Variants in MAPK6 observed in about 807,000 individuals in gnomAD.
The protein encoded by MAPK6 is mitogen-activated protein kinase 6, also known as ERK-3.
MAPK6 carries 19 observed loss-of-function variants against 59.3 expected under a neutral mutation model. That is an observed-to-expected ratio of 0.32 (90% CI 0.22 to 0.47). The LOEUF (loss-of-function observed/expected upper bound fraction) is 0.47. MAPK6 is among the 20% of genes least tolerant of loss of function. The probability of loss-of-function intolerance (pLI) is 1.00; values close to 1 mark genes in which losing one functional copy is unlikely to be tolerated. For synonymous variants in MAPK6, 316 were observed against 290.3 expected (o/e 1.09, Z -0.90); for missense variants, 724 against 847.9 (o/e 0.85, Z 1.81).
intron 4 of MAPK6, 22 bp from the exon 5 acceptor site, chr15:52,061,277 A>G (rs764532735): frequency 3.8e-5 from 61 of 1,590,630 alleles, no homozygotes; most frequent in Non-Finnish European, 5.2e-5. Context: ...TTTCTGAAAA[A>G]CTTTTACCTT....
At chr15:52,054,580 G>A (rs1384865873) in intron 3 of MAPK6, among the ~76,000 whole-genome samples, 1 of 152,080 alleles carries the variant, frequency 6.6e-6, no homozygotes, top group Admixed American at 6.5e-5. Flanking sequence ...TGTGTTAGAA[G>A]TGAGTCACTA....
chr15:52,000,190 C>CA (rs1244083873), intron 2 of MAPK6, among the ~76,000 whole-genome samples: 1 of 151,802 alleles, frequency 6.6e-6, no homozygotes, highest in Non-Finnish European at 1.5e-5. Context: ...CCTCCTGCCT[C>CA]AGCCTCCCAA....
At chr15:52,036,387 G>A (rs916477828) in intron 1 of MAPK6, among the ~76,000 whole-genome samples, 1 of 152,134 alleles carries the variant, frequency 6.6e-6, no homozygotes. Flanking sequence ...ATAAAGAAGA[G>A]AAATTTATTT....
At chr15:52,028,690 A>T (rs967209317) in intron 1 of MAPK6, among the ~76,000 whole-genome samples, 2 of 152,222 alleles carry the variant, frequency 1.3e-5, no homozygotes, top group Non-Finnish European at 2.9e-5. Flanking sequence ...ACACTATTGG[A>T]CAGCACTAAG....
intron 1 of MAPK6, among the ~76,000 whole-genome samples, chr15:52,030,188 T>C (rs2030973234): frequency 6.6e-6 from 1 of 152,206 alleles, no homozygotes; most frequent in African/African-American, 2.4e-5. Context: ...GGTAGCTTCT[T>C]ATTCAGGTTT....
intron 2 of MAPK6, among the ~76,000 whole-genome samples, chr15:51,995,992 C>A (rs1051461850): frequency 7.2e-5 from 11 of 152,098 alleles, no homozygotes; most frequent in African/African-American, 2.7e-4. Context: ...AAATTCCTCT[C>A]ATCCTCAGCT....
intron 4 of MAPK6, among the ~76,000 whole-genome samples, chr15:52,059,775 G>A (rs563983687): frequency 1.6e-4 from 24 of 152,340 alleles, no homozygotes; most frequent in African/African-American, 5.5e-4. Context: ...TGGCAGCACT[G>A]TGCTTGCAAG....
At chr15:52,035,740 A>C (rs2031222096) in intron 1 of MAPK6, 1 of 152,102 alleles carries the variant, frequency 6.6e-6, no homozygotes, top group Non-Finnish European at 1.5e-5. Flanking sequence ...GCAACCATTA[A>C]AATTAAGTTC....
intron 2 of MAPK6, among the ~76,000 whole-genome samples, chr15:51,984,653 G>T (rs2057185150): frequency 6.6e-6 from 1 of 151,742 alleles, no homozygotes; most frequent in Non-Finnish European, 1.5e-5. Flanking sequence ...TGTGTACAGT[G>T]ATGCGCTAGT....
chr15:52,060,643 G>A (rs1166758380), intron 4 of MAPK6, among the ~76,000 whole-genome samples: 2 of 152,134 alleles, frequency 1.3e-5, no homozygotes, highest in African/African-American at 4.8e-5. Flanking sequence ...GCTGCGTGAG[G>A]AACTAAGGAA....
intron 1 of MAPK6, among the ~76,000 whole-genome samples, chr15:52,022,217 C>T (rs1221887678): frequency 6.6e-6 from 1 of 152,030 alleles, no homozygotes; most frequent in Non-Finnish European, 1.5e-5. Flanking sequence ...TCTGTGTATA[C>T]TGTTTATTTT....
At chr15:52,063,861 T>TTA (rs1308134388) in intron 5 of MAPK6, 41 bp from the exon 6 acceptor site, 55 of 1,500,002 alleles carry the variant, frequency 3.7e-5, no homozygotes, top group Non-Finnish European at 4.6e-5. Context: ...GAAAATGAAA[T>TTA]CATATACGTA....
At chr15:52,035,183 A>G (rs1478284640) in intron 1 of MAPK6, among the ~76,000 whole-genome samples, 4 of 152,150 alleles carry the variant, frequency 2.6e-5, no homozygotes, top group Non-Finnish European at 2.9e-5. Context: ...TCTGTCTTAC[A>G]TTCTTTGAAG....
intron 2 of MAPK6, among the ~76,000 whole-genome samples, chr15:51,992,291 C>CTATA (rs1555395395): frequency 1.8e-4 from 20 of 108,380 alleles, no homozygotes; most frequent in South Asian, 1.2e-3. Flanking sequence ...ATCTATCTAT[C>CTATA]TATATATATA....
At chr15:51,976,295 TTATAAAC>T (rs2057157324) in intron 1 of MAPK6, among the ~76,000 whole-genome samples, 2 of 148,432 alleles carry the variant, frequency 1.3e-5, no homozygotes, top group African/African-American at 2.5e-5. Context: ...AAGAAGTTAA[TTATAAAC>T]TATGTAGAGG....
intron 1 of MAPK6, among the ~76,000 whole-genome samples, chr15:52,028,819 C>T (rs577548434): frequency 6.6e-6 from 1 of 152,202 alleles, no homozygotes; most frequent in African/African-American, 2.4e-5. Flanking sequence ...GCTCTCTCCA[C>T]TTCCCTTTGC....
intron 2 of MAPK6, among the ~76,000 whole-genome samples, chr15:52,048,526 A>G (rs2031668049): frequency 6.6e-6 from 1 of 152,172 alleles, no homozygotes; most frequent in South Asian, 2.1e-4. Flanking sequence ...CTGAAGCAGG[A>G]GAATCCAGGA....
At chr15:52,052,265 A>C (rs935470104) in intron 3 of MAPK6, among the ~76,000 whole-genome samples, 25 of 152,160 alleles carry the variant, frequency 1.6e-4, no homozygotes, top group African/African-American at 5.3e-4. Context: ...GACAGTTACC[A>C]AGAGGCTTCG....
chr15:52,064,959 C>T lies in MAPK6; in HGVS notation c.2125C>T (p.Pro709Ser). 1 of 1,611,546 alleles carries T rather than the reference C, an allele frequency of 6.2e-7. No individual in the cohort carries two copies. Among genetic ancestry groups the T allele is most frequent in the Non-Finnish European group, 8.5e-7 (1 of 1,179,478 alleles). ...PSAMKSSPQIPHQTYSSILKH... is the reference protein window; with the variant it reads ...PSAMKSSPQISHQTYSSILKH... Reference sequence around the variant, plus strand: ...TGCTATGAAATCTTCCCCTCAAATTCCTCATCAAACATACAGCAGCATTCT... The same window carrying T: ...TGCTATGAAATCTTCCCCTCAAATTTCTCATCAAACATACAGCAGCATTCT... The change falls in exon 6 of 6, where the codon CCT (proline) becomes TCT (serine). Residue 709 changes from proline (P) to serine (S), a missense_variant. Pro to Ser is a moderately conservative substitution (Grantham distance 74). This residue lies in a region of MAPK6 where 502 missense variants were observed against 507.6 expected (regional missense o/e 0.99). Coordinates refer to ENST00000261845, the MANE Select transcript of MAPK6 (RefSeq NM_002748.4).
Sources: allele counts gnomAD v4.1 joint callset (sites outside exome capture counted in the v4.1 genomes callset), GRCh38; gene constraint gnomAD v4.1.1; regional missense constraint gnomAD v4.1.1; transcripts MANE v1.5; gene names NCBI Gene and HGNC (gene_info 2026-07-23, HGNC 2026-07-21).